Variants in GABRG3 observed in about 807,000 individuals in gnomAD.
GABRG3 encodes gamma-aminobutyric acid type A receptor subunit gamma3.
A neutral mutation model predicts 48.8 loss-of-function variants in GABRG3; 25 were observed. The ratio of observed to expected loss-of-function variants is 0.51; its 90% CI spans 0.37 to 0.72. The LOEUF (loss-of-function observed/expected upper bound fraction) is 0.72. Among genes scored for constraint, GABRG3 ranks in the 30% least tolerant of loss-of-function variants. The pLI, the probability that GABRG3 is intolerant of heterozygous loss-of-function variation, is 0.00. For synonymous variants in GABRG3, 227 were observed against 217.6 expected, an observed-to-expected ratio of 1.04 and a Z score of -0.38; for missense variants, 394 against 577.9, an observed-to-expected ratio of 0.68 and a Z score of 3.26.
At position 27,145,614 on chromosome 15, in the gene GABRG3, T is replaced by TATCTATCTATC. The variant is rs1555406005; in HGVS notation, c.270+118794_270+118804dup. 7.2e-4 allele frequency among the ~76,000 whole-genome samples: 104 copies of TATCTATCTATC among 143,586 alleles called. 2 individuals carry two copies. The highest frequency in any genetic ancestry group is 3.5e-3 in the Middle Eastern group (1 of 284). 94.2% of individuals were successfully genotyped at this position (143,586 alleles called of 152,430 possible). A position where few individuals can be genotyped will look rare whatever the true frequency, so the allele number is the denominator to read the frequency against. On this transcript the variant is annotated intron_variant, in intron 3 of 9. Coordinates refer to ENST00000615808, the MANE Select transcript of GABRG3 (RefSeq NM_033223.5). The stretch of plus-strand genomic sequence containing the variant: ...ATACATATATCTATCTCTATCTATC[T>TATCTATCTATC]ATCTATCTATCTATCTATCTATCTA...
At chr15:27,367,674 GT>G (rs1202491988) in intron 5 of GABRG3, among the ~76,000 whole-genome samples, 2 of 152,162 alleles carry the variant, frequency 1.3e-5, no homozygotes, top group African/African-American at 2.4e-5. Flanking sequence ...GTGAAATTGA[GT>G]AGCATTGCAT....
intron 3 of GABRG3, among the ~76,000 whole-genome samples, chr15:27,101,940 G>C (rs1430261536): frequency 3.3e-5 from 5 of 151,996 alleles, no homozygotes; most frequent in Non-Finnish European, 7.4e-5. Context: ...GCCATCCTGG[G>C]CTGCACGTGG....
At chr15:27,530,557 A>C (rs113031201) in intron 9 of GABRG3, 5,805 of 467,726 alleles carry the variant, frequency 0.012, 297 homozygotes, top group African/African-American at 0.1. Flanking sequence ...TAAATATGAT[A>C]TCCAGGTGTT....
chr15:27,435,976 T>G (rs182070403), intron 5 of GABRG3, among the ~76,000 whole-genome samples: 1 of 152,206 alleles, frequency 6.6e-6, no homozygotes, highest in Admixed American at 6.5e-5. Flanking sequence ...TGATGGGACT[T>G]TGTTCAACTA....
intron 7 of GABRG3, among the ~76,000 whole-genome samples, chr15:27,526,278 A>G (rs774394710): frequency 2.0e-5 from 3 of 152,224 alleles, no homozygotes; most frequent in Non-Finnish European, 4.4e-5. Context: ...TGCCTTGAGT[A>G]GATGCAGGGA....
At chr15:27,022,072 T>G (rs1895905038) in intron 2 of GABRG3, among the ~76,000 whole-genome samples, 1 of 152,154 alleles carries the variant, frequency 6.6e-6, no homozygotes, top group South Asian at 2.1e-4. Context: ...GGTAGATGAC[T>G]GCAGAACCCA....
At chr15:27,000,280 T>C (rs967577767) in intron 2 of GABRG3, among the ~76,000 whole-genome samples, 6 of 152,220 alleles carry the variant, frequency 3.9e-5, no homozygotes, top group Non-Finnish European at 5.9e-5. Context: ...GAGTATCATT[T>C]TGGTGTATAG....
intron 2 of GABRG3, among the ~76,000 whole-genome samples, chr15:26,983,999 G>A (rs528129359): frequency 3.3e-5 from 5 of 152,028 alleles, no homozygotes; most frequent in Non-Finnish European, 4.4e-5. Flanking sequence ...GCCTGTCTTC[G>A]AGCCTCGTTG....
At chr15:27,285,254 GGTGTGTGTGT>G (rs60880658) in intron 3 of GABRG3, among the ~76,000 whole-genome samples, 2,508 of 142,450 alleles carry the variant, frequency 0.018, 36 homozygotes, top group East Asian at 0.062. Context: ...TGAGCTTTCA[GGTGTGTGTGT>G]GTGTGTGTGT....
chr15:27,499,190 C>T (rs1393653222), intron 6 of GABRG3, among the ~76,000 whole-genome samples: 2 of 152,142 alleles, frequency 1.3e-5, no homozygotes, highest in African/African-American at 2.4e-5. Context: ...TAATTTGATA[C>T]AAAGATATAA....
intron 3 of GABRG3, among the ~76,000 whole-genome samples, chr15:27,027,526 G>A (rs1204609750): frequency 1.3e-5 from 2 of 152,192 alleles, no homozygotes; most frequent in Admixed American, 1.3e-4. Context: ...CCAAAATGCT[G>A]ACTTAAATTT....
At chr15:27,056,696 C>T (rs370294506) in intron 3 of GABRG3, among the ~76,000 whole-genome samples, 5 of 152,074 alleles carry the variant, frequency 3.3e-5, no homozygotes, top group African/African-American at 1.2e-4. Context: ...ACGGTGGCTT[C>T]CACTGCAAAC....
chr15:27,194,140 G>A (rs1202659789), intron 3 of GABRG3, among the ~76,000 whole-genome samples: 1 of 152,140 alleles, frequency 6.6e-6, no homozygotes, highest in Non-Finnish European at 1.5e-5. Context: ...CAGTCTCAAT[G>A]TTTTACCACA....
intron 3 of GABRG3, among the ~76,000 whole-genome samples, chr15:27,254,869 T>TGA (rs1009215520): frequency 8.7e-5 from 11 of 126,584 alleles, no homozygotes; most frequent in Middle Eastern, 3.8e-3. Flanking sequence ...AGAGCTTTAT[T>TGA]GAGAGAGAGA....
At chr15:27,192,116 C>G (rs1446316584) in intron 3 of GABRG3, among the ~76,000 whole-genome samples, 3 of 152,184 alleles carry the variant, frequency 2.0e-5, no homozygotes, top group African/African-American at 4.8e-5. Flanking sequence ...ATGGGCTTCC[C>G]TTTGAGGGTA....
At chr15:27,110,260 T>C (rs1310089667) in intron 3 of GABRG3, among the ~76,000 whole-genome samples, 1 of 152,176 alleles carries the variant, frequency 6.6e-6, no homozygotes, top group Non-Finnish European at 1.5e-5. Context: ...AATAACACTA[T>C]TCTGCACCAT....
intron 3 of GABRG3, among the ~76,000 whole-genome samples, chr15:27,232,517 G>A (rs1889830893): frequency 6.6e-6 from 1 of 152,150 alleles, no homozygotes; most frequent in Admixed American, 6.5e-5. Flanking sequence ...GTAGCCATCA[G>A]TTAGGACCAA....
At chr15:27,496,294 T>G (rs950404281) in intron 6 of GABRG3, among the ~76,000 whole-genome samples, 7 of 152,190 alleles carry the variant, frequency 4.6e-5, no homozygotes, top group Non-Finnish European at 1.0e-4. Context: ...TTATTTGGCC[T>G]TGGCAGGAGT....
chr15:27,152,855 G>A (rs919791111), intron 3 of GABRG3, among the ~76,000 whole-genome samples: 3 of 150,106 alleles, frequency 2.0e-5, no homozygotes, highest in African/African-American at 2.5e-5. Flanking sequence ...GATCCTTTTC[G>A]AGTTAATTTT....
Sources: gnomAD v4.1 joint callset for allele counts (sites outside exome capture counted in the v4.1 genomes callset) on GRCh38, gnomAD v4.1.1 for gene constraint, MANE v1.5 for transcripts, NCBI Gene and HGNC (gene_info 2026-07-23, HGNC 2026-07-21) for gene names.